STAG3: variants seen among roughly 807,000 people sequenced by gnomAD.
STAG3 encodes cohesin subunit SA-3.
STAG3 carries 101 observed loss-of-function variants against 160.7 expected under a neutral mutation model. The ratio of observed to expected loss-of-function variants is 0.63; its 90% CI spans 0.54 to 0.74. STAG3 has a LOEUF of 0.74. Among genes scored for constraint, STAG3 ranks in the 30% least tolerant of loss-of-function variants. STAG3 has a pLI of 0.00. For missense variants in STAG3, 1,188 were observed against 1,517.4 expected (o/e 0.78, Z 3.61); for synonymous variants, 519 against 585.0 (o/e 0.89, Z 1.63).
chr7:100,217,745 GGAGA>G (rs371561788), downstream of STAG3, among the ~76,000 whole-genome samples: 551 of 152,178 alleles, frequency 3.6e-3, 7 homozygotes, highest in African/African-American at 0.012. Context: ...TAGCCGAGGC[GGAGA>G]GAGAGAGGAC....
chr7:100,188,236 C>T (rs1475748446), intron 5 of STAG3, among the ~76,000 whole-genome samples: 1 of 152,180 alleles, frequency 6.6e-6, no homozygotes, highest in Non-Finnish European at 1.5e-5. Flanking sequence ...GCCATGTCTA[C>T]ACCATAACCT....
At chr7:100,217,063 C>T (rs564956662), downstream of STAG3, among the ~76,000 whole-genome samples, 1 of 152,220 alleles carries the variant, frequency 6.6e-6, no homozygotes, top group Non-Finnish European at 1.5e-5. Context: ...GTTTGCCTCT[C>T]TTCCCTCACA....
chr7:100,192,146 G>A (rs1325916184), intron 8 of STAG3, among the ~76,000 whole-genome samples: 1 of 152,228 alleles, frequency 6.6e-6, no homozygotes, highest in East Asian at 1.9e-4. Context: ...AGTCATCCGT[G>A]AGGGTTAGAA....
chr7:100,198,026 A>G (rs1038963123), intron 11 of STAG3, 61 bp from the exon 12 acceptor site: 2 of 1,588,410 alleles, frequency 1.3e-6, no homozygotes, highest in Admixed American at 3.3e-5. Context: ...TCTGATTCTA[A>G]GAGAACAGAA....
At chr7:100,200,161 G>A (rs1470461551) in intron 16 of STAG3, 75 bp from the exon 17 acceptor site, 2 of 1,072,946 alleles carry the variant, frequency 1.9e-6, no homozygotes, top group Non-Finnish European at 2.8e-6. Flanking sequence ...AAGGTCATGG[G>A]GAGGAGGACT....
Position 100,187,040 on chromosome 7 carries a change from G to GT in STAG3, c.433+753dup, listed in dbSNP as rs1270059548. 3.7e-3 allele frequency among the ~76,000 whole-genome samples: 546 copies of GT among 148,318 alleles called. 5 individuals carry two copies. Among genetic ancestry groups the GT allele is most frequent in the African/African-American group, 9.8e-3 (393 of 40,248 alleles). Reference sequence around the variant, plus strand: ...TGCTGTCTTTGTTTTGTTTTTTTTTGTTTTTTTTTGAGACAGAGTCTCACT... The same window carrying GT: ...TGCTGTCTTTGTTTTGTTTTTTTTTGTTTTTTTTTTGAGACAGAGTCTCACT... On this transcript the variant is annotated intron_variant, in intron 5 of 33. Coordinates refer to ENST00000615138, the MANE Select transcript of STAG3 (RefSeq NM_001282717.2).
chr7:100,202,051 G>A lies in STAG3; in HGVS notation c.2394+10G>A. 1 of 1,614,014 alleles carries A rather than the reference G, an allele frequency of 6.2e-7. No homozygotes were observed. Among genetic ancestry groups the A allele is most frequent in the African/African-American group, 1.3e-5 (1 of 75,046 alleles). On this transcript the variant is annotated intron_variant, in intron 23 of 33. Coordinates refer to ENST00000615138, the MANE Select transcript of STAG3 (RefSeq NM_001282717.2). ...TGAGATCCAGGAGCAGGTGAGTACTGACTCAAGTGGGAGCAACAAGGCGAG... is the reference window on the plus strand; with the variant it reads ...TGAGATCCAGGAGCAGGTGAGTACTAACTCAAGTGGGAGCAACAAGGCGAG...
At chr7:100,199,816 G>A (rs529142253) in intron 16 of STAG3, among the ~76,000 whole-genome samples, 172 bp downstream of exon 16, 4 of 152,032 alleles carry the variant, frequency 2.6e-5, no homozygotes, top group Non-Finnish European at 4.4e-5. Context: ...AGCACTTTGG[G>A]AGGCTGAGGC....
intron 3 of STAG3, 51 bp from the exon 4 acceptor site, chr7:100,182,672 G>A (rs779545411): frequency 3.1e-6 from 5 of 1,598,384 alleles, no homozygotes; most frequent in Middle Eastern, 3.3e-4. Flanking sequence ...TAATGTCACT[G>A]TTACCTTTTT....
intron 24 of STAG3, 32 bp downstream of exon 24, chr7:100,202,372 G>A (rs761074998): frequency 6.2e-6 from 10 of 1,611,422 alleles, no homozygotes; most frequent in African/African-American, 2.7e-5. Context: ...GGCTCAGTAA[G>A]GGCTGGGGCT....
intron 25 of STAG3, among the ~76,000 whole-genome samples, chr7:100,203,335 G>A (rs1628077): frequency 0.3 from 45,196 of 150,410 alleles, 7,414 homozygotes; most frequent in East Asian, 0.62. Context: ...ACAGGCATGC[G>A]CTGCCACGCC....
chr7:100,214,142 G>C lies in STAG3; in HGVS notation c.*127G>C, dbSNP rs181256968. 6.4e-3 allele frequency: 8,585 copies of C among 1,349,090 alleles called. 46 individuals are homozygous for C. The highest frequency in any genetic ancestry group is 7.5e-3 in the Non-Finnish European group (7,186 of 963,278). 83.6% of individuals were successfully genotyped at this position (1,349,090 alleles called of 1,614,324 possible). ...TTCAGCCCTGGGCTCTGAGGGGAAA[G>C]AGTTGGGCATTGTTTTTCTAACCTA... On this transcript the variant is annotated 3_prime_UTR_variant, in exon 34 of 34. Coordinates refer to ENST00000615138, the MANE Select transcript of STAG3 (RefSeq NM_001282717.2).
At chr7:100,218,984 A>C (rs1803010651), downstream of STAG3, 1 of 157,122 alleles carries the variant, frequency 6.4e-6, no homozygotes, top group South Asian at 1.8e-4. Flanking sequence ...AATTCACCAA[A>C]GGATAGATAA....
At chr7:100,208,279 A>T (rs1360699193) in intron 29 of STAG3, among the ~76,000 whole-genome samples, 1 of 152,228 alleles carries the variant, frequency 6.6e-6, no homozygotes, top group Non-Finnish European at 1.5e-5. Context: ...TGCTTTAATT[A>T]ATTAACTAAT....
Position 100,207,266 on chromosome 7 carries a change from CTA to C in STAG3, c.3238+1884_3238+1885del, listed in dbSNP as rs1452695456. On this transcript the variant is annotated intron_variant, in intron 29 of 33. Transcript: ENST00000615138. The surrounding 1 kb of genome is among the most constrained non-coding windows in gnomAD (Gnocchi z 4.0). The stretch of plus-strand genomic sequence containing the variant: ...GGAATTGCTGGTTCGTATGGCAATT[CTA>C]TGTTTAAGTTTTTGAGGAACTACCA... Among the ~76,000 whole-genome samples the C allele has an allele frequency of 6.6e-6, 1 of 152,144 alleles. No individual in the cohort carries two copies. Among genetic ancestry groups the C allele is most frequent in the Non-Finnish European group, 1.5e-5 (1 of 68,024 alleles).
chr7:100,186,271 T>C lies in STAG3; in HGVS notation c.408T>C (p.Phe136=), dbSNP rs1562967818. 5.6e-6 allele frequency: 9 copies of C among 1,614,164 alleles called. No individual in the cohort carries two copies. Among genetic ancestry groups the C allele is most frequent in the Non-Finnish European group, 7.6e-6 (9 of 1,180,014 alleles). The change falls in exon 5 of 34, where the codon TTT becomes TTC. Residue 136 remains phenylalanine (F), a synonymous_variant. Transcript: ENST00000615138. The part of the protein sequence containing the change: ...QDAGFLELVN[F]FIQSCGCKGI... Reference sequence around the variant, plus strand: ...CAGGATTTCTGGAGCTTGTTAACTTTTTCATCCAATCTTGCGGATGTAAAG... The same window carrying C: ...CAGGATTTCTGGAGCTTGTTAACTTCTTCATCCAATCTTGCGGATGTAAAG...
At chr7:100,213,176 A>G in intron 32 of STAG3, 1 of 358,374 alleles carries the variant, frequency 2.8e-6, no homozygotes, top group Non-Finnish European at 4.0e-6. Flanking sequence ...CTGGGCTTAG[A>G]AGGGCATTCA....
Position 100,204,695 on chromosome 7 carries a change from G to A in STAG3, c.2871G>A (p.Met957Ile). 1 of 1,614,150 alleles carries A rather than the reference G, an allele frequency of 6.2e-7. No individual in the cohort carries two copies. The highest frequency in any genetic ancestry group is 1.7e-5 in the Admixed American group (1 of 60,024). Reference sequence around the variant, plus strand: ...ATGAGCTTCCTGCCTTCATCGAGATGAGGGACCTGGCCCGGAGGTTTGCCT... The same window carrying A: ...ATGAGCTTCCTGCCTTCATCGAGATAAGGGACCTGGCCCGGAGGTTTGCCT... Reference protein sequence around the residue: ...GLNELPAFIEMRDLARRFALS... With the variant: ...GLNELPAFIEIRDLARRFALS... Residue 957 changes from methionine to isoleucine, a missense_variant, in exon 27 of 34, where the codon ATG becomes ATA. By Grantham distance (10) the Met-to-Ile change is conservative. Transcript: ENST00000615138.
At chr7:100,181,703 T>A (rs943246478) in intron 2 of STAG3, among the ~76,000 whole-genome samples, 6 of 152,214 alleles carry the variant, frequency 3.9e-5, no homozygotes, top group Admixed American at 2.0e-4. Context: ...ATCCCAACAC[T>A]TTGGGAGGCC....
Sources: allele counts gnomAD v4.1 joint callset (sites outside exome capture counted in the v4.1 genomes callset), GRCh38; gene constraint gnomAD v4.1.1; non-coding constraint Gnocchi (gnomAD v3.1); transcripts MANE v1.5; gene names NCBI Gene and HGNC (gene_info 2026-07-23, HGNC 2026-07-21).